The following HIVEP2 variants were observed in gnomAD, a reference collection of about 807,000 sequenced individuals.
The protein encoded by HIVEP2 is HIVEP zinc finger 2.
In HIVEP2, 14 loss-of-function variants were observed where a neutral mutation model predicts 180.7. The observed-to-expected ratio is 0.08, with a 90% CI of 0.05 to 0.12. HIVEP2 has a LOEUF of 0.12. Ranked by LOEUF, HIVEP2 falls within the 10% of genes least tolerant of loss-of-function variation. The pLI, the probability that HIVEP2 is intolerant of heterozygous loss-of-function variation, is 1.00. For missense variants in HIVEP2, 2,579 were observed against 3,008.5 expected (o/e 0.86, Z 3.34); for synonymous variants, 1,184 against 1,136.4 (o/e 1.04, Z -0.84).
chr6:142,813,479 T>C (rs1195190350), intron 2 of HIVEP2, among the ~76,000 whole-genome samples: 1 of 152,108 alleles, frequency 6.6e-6, no homozygotes, highest in Admixed American at 6.6e-5. Context: ...TGCCCCTTCA[T>C]TGTAGTAAGA....
intron 9 of HIVEP2, among the ~76,000 whole-genome samples, chr6:142,757,241 G>T (rs1582828173): frequency 6.6e-6 from 1 of 152,152 alleles, no homozygotes; most frequent in Non-Finnish European, 1.5e-5. Context: ...CATCAGGGAG[G>T]ATTCCCAGAT....
In HIVEP2 at chr6:142,760,487, C is replaced by T. The variant is rs1352560264; in HGVS notation, c.5801G>A (p.Arg1934Lys). Residue 1934 changes from arginine to lysine, a missense_variant, in exon 9 of 10, where the codon AGA becomes AAA. Physicochemically the swap from Arg to Lys is conservative, Grantham distance 26. Around this residue, in one of 11 missense-constraint regions of HIVEP2, gnomAD observed 660 missense variants for 731.7 expected, o/e 0.90. Coordinates refer to ENST00000367603, the MANE Select transcript of HIVEP2 (RefSeq NM_006734.4). ...QGDLTPKTRS[R>K]STSPQPPRFS... ...TCTAGGAGGCTGAGGACTGGTGCTT[C>T]TTGATCTTGTTTTTGGTGTTAAATC... 3 of 1,614,128 alleles carry T rather than the reference C, an allele frequency of 1.9e-6. No individual in the cohort carries two copies. Among genetic ancestry groups the T allele is most frequent in the Non-Finnish European group, 2.5e-6 (3 of 1,180,028 alleles).
At chr6:142,853,367 G>C (rs1378170644) in intron 1 of HIVEP2, among the ~76,000 whole-genome samples, 1 of 152,116 alleles carries the variant, frequency 6.6e-6, no homozygotes, top group African/African-American at 2.4e-5. Flanking sequence ...ACTTGTAACA[G>C]GTGCTAGCAC....
chr6:142,864,978 T>A (rs1776100336), intron 1 of HIVEP2, among the ~76,000 whole-genome samples: 1 of 152,214 alleles, frequency 6.6e-6, no homozygotes, highest in African/African-American at 2.4e-5. Flanking sequence ...TACCTATATG[T>A]GCTAGCACTT....
chr6:142,789,424 A>G (rs574818485), intron 2 of HIVEP2, among the ~76,000 whole-genome samples: 1 of 152,372 alleles, frequency 6.6e-6, no homozygotes, highest in South Asian at 2.1e-4. Flanking sequence ...CGTAAGTCAT[A>G]TATCTGACTA....
intron 1 of HIVEP2, among the ~76,000 whole-genome samples, chr6:142,849,468 T>G (rs1775593497): frequency 6.6e-6 from 1 of 152,224 alleles, no homozygotes; most frequent in Non-Finnish European, 1.5e-5. Context: ...AAAACTAGTA[T>G]TGAAGACTAT....
intron 1 of HIVEP2, among the ~76,000 whole-genome samples, chr6:142,895,605 C>T (rs775205120): frequency 1.3e-5 from 2 of 152,186 alleles, no homozygotes; most frequent in Non-Finnish European, 2.9e-5. Context: ...AAGCCTTTTT[C>T]ATTTAGCAGT....
chr6:142,853,387 C>T (rs1416273641), intron 1 of HIVEP2, among the ~76,000 whole-genome samples: 7 of 152,128 alleles, frequency 4.6e-5, no homozygotes, highest in Middle Eastern at 3.2e-3. Flanking sequence ...CCTGTTCTTC[C>T]GGCTCCCAGA....
At position 142,846,306 on chromosome 6, in the gene HIVEP2, C is replaced by T. The variant is rs542654846; in HGVS notation, c.-640-9259G>A. The stretch of plus-strand genomic sequence containing the variant: ...AAAAAAGAAAAAAGAAAAGAATATA[C>T]ATTCCCAAATCTTCTGTCTGCAAAG... On this transcript the variant is annotated intron_variant, in intron 1 of 9. Coordinates refer to ENST00000367603, the MANE Select transcript of HIVEP2 (RefSeq NM_006734.4). 2.1e-3 allele frequency among the ~76,000 whole-genome samples: 319 copies of T among 152,102 alleles called. 3 individuals carry two copies. The highest frequency in any genetic ancestry group is 7.2e-3 in the African/African-American group (299 of 41,524).
chr6:142,892,941 C>T (rs539761932), intron 1 of HIVEP2, among the ~76,000 whole-genome samples: 16 of 152,118 alleles, frequency 1.1e-4, no homozygotes, highest in Non-Finnish European at 1.5e-4. Context: ...TGGAGCTCGG[C>T]GAGGCTTCGT....
At chr6:142,769,214 A>T (rs1478945954) in intron 5 of HIVEP2, among the ~76,000 whole-genome samples, 1 of 152,208 alleles carries the variant, frequency 6.6e-6, no homozygotes, top group Non-Finnish European at 1.5e-5. Context: ...TCACATCCAG[A>T]GAAAATTAGA....
chr6:142,883,611 G>A (rs912738362), intron 1 of HIVEP2, among the ~76,000 whole-genome samples: 3 of 152,086 alleles, frequency 2.0e-5, no homozygotes, highest in Non-Finnish European at 4.4e-5. Context: ...CCCTTACAAC[G>A]TAGGGCAAAG....
chr6:142,899,685 A>G (rs1291111630), intron 1 of HIVEP2, among the ~76,000 whole-genome samples: 3 of 152,240 alleles, frequency 2.0e-5, no homozygotes, highest in Non-Finnish European at 2.9e-5. Context: ...AGTGCAGCTC[A>G]AAGTGTAAGG....
intron 1 of HIVEP2, among the ~76,000 whole-genome samples, chr6:142,852,633 A>T (rs1343895170): frequency 1.3e-5 from 2 of 152,198 alleles, no homozygotes; most frequent in East Asian, 3.9e-4. Context: ...CAACTCCCAG[A>T]TGTCTCAGGA....
At chr6:142,759,216 T>C (rs1342578524) in intron 9 of HIVEP2, among the ~76,000 whole-genome samples, 2 of 151,992 alleles carry the variant, frequency 1.3e-5, no homozygotes, top group Non-Finnish European at 2.9e-5. Flanking sequence ...GATGGGAGAA[T>C]CGCTTCAACC....
chr6:142,757,174 G>T (rs1459761881), intron 9 of HIVEP2, among the ~76,000 whole-genome samples: 3 of 152,160 alleles, frequency 2.0e-5, no homozygotes, highest in African/African-American at 7.2e-5. Flanking sequence ...ACCACAGTCA[G>T]TGTCCTGTGG....
chr6:142,815,545 C>T (rs879338394), intron 2 of HIVEP2, among the ~76,000 whole-genome samples: 4 of 152,058 alleles, frequency 2.6e-5, no homozygotes, highest in Non-Finnish European at 4.4e-5. Flanking sequence ...TCCATTAAAA[C>T]AAAAGGTAAA....
At position 142,772,559 on chromosome 6, in the gene HIVEP2, T is replaced by A. The variant is rs1157777527; in HGVS notation, c.2180A>T (p.Asp727Val). 6.2e-7 allele frequency: 1 copy of A among 1,614,210 alleles called. No homozygotes were observed. Among genetic ancestry groups the A allele is most frequent in the Non-Finnish European group, 8.5e-7 (1 of 1,180,046 alleles). ...VSTPVGIMAS[D>V]YDPKLQMQEG... ...CTGCATCTGCAGTTTGGGGTCATAA[T>A]CGGAAGCCATGATGCCCACAGGAGT... Residue 727 changes from aspartate (D) to valine (V), a missense_variant, in exon 5 of 10, where the codon GAT becomes GTT. By Grantham distance (152) the Asp-to-Val change is radical. Coordinates refer to ENST00000367603, the MANE Select transcript of HIVEP2 (RefSeq NM_006734.4). This position sits in a 1 kb window ranked among gnomAD's most constrained non-coding sequence, Gnocchi z 4.9.
At chr6:142,757,636 G>A (rs112213181) in intron 9 of HIVEP2, among the ~76,000 whole-genome samples, 2 of 151,956 alleles carry the variant, frequency 1.3e-5, no homozygotes, top group African/African-American at 4.8e-5. Flanking sequence ...CCAGCCTGGC[G>A]ACAGAGCGAG....
Sources: allele counts gnomAD v4.1 joint callset (sites outside exome capture counted in the v4.1 genomes callset), GRCh38; gene constraint gnomAD v4.1.1; regional missense constraint gnomAD v4.1.1; non-coding constraint Gnocchi (gnomAD v3.1); transcripts MANE v1.5; gene names NCBI Gene and HGNC (gene_info 2026-07-23, HGNC 2026-07-21).